PFKFB3: variants seen among roughly 807,000 people sequenced by gnomAD.
PFKFB3 encodes 6-phosphofructo-2-kinase/fructose-2,6-biphosphatase 3.
Under a neutral mutation model 68.0 loss-of-function variants are expected in PFKFB3, and 33 were observed. The ratio of observed to expected loss-of-function variants is 0.49; its 90% CI spans 0.37 to 0.65. The LOEUF (loss-of-function observed/expected upper bound fraction) is 0.65. PFKFB3 is among the 30% of genes least tolerant of loss of function. PFKFB3 has a pLI of 0.00. For missense variants in PFKFB3, 586 were observed against 712.2 expected (o/e 0.82, Z 2.02); for synonymous variants, 315 against 288.2 (o/e 1.09, Z -0.94).
chr10:6,227,629 C>T (rs900986549), intron 14 of PFKFB3, among the ~76,000 whole-genome samples: 50 of 152,282 alleles, frequency 3.3e-4, no homozygotes, highest in Middle Eastern at 3.4e-3. Context: ...GGTGGGGACG[C>T]GTAGACACGG....
In PFKFB3 at chr10:6,154,157, G is replaced by A. The variant is rs149285749; in HGVS notation, c.16+9144G>A. On this transcript the variant is annotated intron_variant, in intron 1 of 14. Coordinates refer to the PFKFB3 transcript ENST00000379789. This position sits in a 1 kb window ranked among gnomAD's most constrained non-coding sequence, Gnocchi z 4.6. ...TAGGAAGGGAGTGGCGGCTCAGCAC[G>A]TCCTCATCTCCCATGGTAGGGCCTT... Among the ~76,000 whole-genome samples the A allele has an allele frequency of 1.1e-3, 168 of 152,254 alleles. No individual in the cohort carries two copies. Among genetic ancestry groups the A allele is most frequent in the Admixed American group, 2.9e-3 (44 of 15,292 alleles).
chr10:6,311,519 C>G, the PFKFB3 span, among the ~76,000 whole-genome samples: 1 of 151,412 alleles, frequency 6.6e-6, no homozygotes, highest in Non-Finnish European at 1.5e-5. Context: ...GAAGCTGGGG[C>G]AGGCGAATCA....
At chr10:6,161,587 T>C (rs4747898) in intron 1 of PFKFB3, among the ~76,000 whole-genome samples, 9 of 150,854 alleles carry the variant, frequency 6.0e-5, no homozygotes, top group East Asian at 1.9e-4. Flanking sequence ...CACACACACA[T>C]ATATATATAC....
At chr10:6,147,042 C>T (rs1168558294) in intron 1 of PFKFB3, among the ~76,000 whole-genome samples, 1 of 152,182 alleles carries the variant, frequency 6.6e-6, no homozygotes, top group Non-Finnish European at 1.5e-5. Flanking sequence ...CAGAGCTTCC[C>T]CAGTTGCAGG....
chr10:6,247,182 T>G (rs999700116), intron 14 of PFKFB3, among the ~76,000 whole-genome samples: 71 of 152,212 alleles, frequency 4.7e-4, no homozygotes, highest in African/African-American at 1.7e-3. Flanking sequence ...TTAGGATACG[T>G]CACGGTGGGG....
At chr10:6,206,605 A>G (rs1043248813) in intron 1 of PFKFB3, among the ~76,000 whole-genome samples, 7 of 147,898 alleles carry the variant, frequency 4.7e-5, no homozygotes, top group Middle Eastern at 3.6e-3. Flanking sequence ...TCCCTCCCGG[A>G]CGGGGTGGCT....
At chr10:6,293,979 G>A in the PFKFB3 span, 3 of 519,608 alleles carry the variant, frequency 5.8e-6, no homozygotes, top group South Asian at 2.9e-5. Flanking sequence ...TGATCCAATG[G>A]CTTCATGAAT....
At chr10:6,212,493 CG>C (rs1287482842) in intron 1 of PFKFB3, among the ~76,000 whole-genome samples, 1 of 152,124 alleles carries the variant, frequency 6.6e-6, no homozygotes, top group Non-Finnish European at 1.5e-5. Context: ...GCTTCGTGAC[CG>C]GCCCTTCCCT....
At chr10:6,279,226 T>C in the PFKFB3 span, among the ~76,000 whole-genome samples, 1 of 152,262 alleles carries the variant, frequency 6.6e-6, no homozygotes, top group Non-Finnish European at 1.5e-5. Context: ...TTTTAAGTCA[T>C]GTAAATGTGA....
intron 1 of PFKFB3, among the ~76,000 whole-genome samples, chr10:6,209,760 C>T (rs981408695): frequency 7.0e-5 from 5 of 71,214 alleles, no homozygotes; most frequent in Non-Finnish European, 1.4e-4. Flanking sequence ...CAATACTTAC[C>T]TTTTCTTTTT....
chr10:6,158,491 C>T (rs749536074), intron 1 of PFKFB3, among the ~76,000 whole-genome samples: 29 of 152,100 alleles, frequency 1.9e-4, no homozygotes, highest in Non-Finnish European at 3.7e-4. Flanking sequence ...CACAAAAGCC[C>T]CTCACACATT....
At chr10:6,169,003 C>A (rs539668359) in intron 1 of PFKFB3, among the ~76,000 whole-genome samples, 46 of 108,154 alleles carry the variant, frequency 4.3e-4, no homozygotes, top group Middle Eastern at 8.7e-3. Flanking sequence ...GTCACCCAGG[C>A]TGGAGTGCAC....
At position 6,233,362 on chromosome 10, in the gene PFKFB3, G is replaced by T. The variant is rs1845860290; in HGVS notation, c.*420G>T. The stretch of plus-strand genomic sequence containing the variant: ...CTGGTGGCAGAATCCTAAAATTAAA[G>T]GAGGCAGGCTCCTAGTTGCTGAAAG... On this transcript the variant is annotated 3_prime_UTR_variant, in exon 15 of 15. Coordinates refer to ENST00000379775, the MANE Select transcript of PFKFB3 (RefSeq NM_004566.4). 6.1e-6 allele frequency: 1 copy of T among 165,058 alleles called. No individual in the cohort carries two copies. The allele number at this position is 165,058 out of a possible 1,614,324, so 10.2% of individuals were successfully genotyped here. A position where few individuals can be genotyped will look rare whatever the true frequency, so the allele number is the denominator to read the frequency against.
At chr10:6,257,741 A>G (rs1238894377), downstream of PFKFB3, among the ~76,000 whole-genome samples, 1 of 152,066 alleles carries the variant, frequency 6.6e-6, no homozygotes, top group Non-Finnish European at 1.5e-5. Flanking sequence ...TTTATTATGG[A>G]AGAGTTCCTA....
intron 1 of PFKFB3, among the ~76,000 whole-genome samples, chr10:6,210,048 G>GGTGC (rs1294381155): frequency 8.6e-4 from 104 of 121,632 alleles, no homozygotes; most frequent in Admixed American, 1.4e-3. Context: ...CACCGTGCCC[G>GGTGC]GCCTAATACT....
intron 1 of PFKFB3, among the ~76,000 whole-genome samples, chr10:6,186,449 T>G (rs1793111375): frequency 6.6e-6 from 1 of 152,198 alleles, no homozygotes; most frequent in Admixed American, 6.5e-5. Flanking sequence ...TGTGGAGTGG[T>G]CGCAGGTATA....
At chr10:6,254,138 T>C (rs1452488420) in intron 14 of PFKFB3, 2 of 390,310 alleles carry the variant, frequency 5.1e-6, no homozygotes, top group Non-Finnish European at 8.9e-6. Flanking sequence ...TTCTGAGGTA[T>C]CCACTCAATC....
the PFKFB3 span, among the ~76,000 whole-genome samples, chr10:6,290,701 A>T: frequency 6.6e-6 from 1 of 151,956 alleles, no homozygotes; most frequent in Non-Finnish European, 1.5e-5. Context: ...ACGGGGTTTC[A>T]CCATGTTGGC....
At chr10:6,147,638 C>G (rs1841433866) in intron 1 of PFKFB3, among the ~76,000 whole-genome samples, 1 of 152,228 alleles carries the variant, frequency 6.6e-6, no homozygotes, top group African/African-American at 2.4e-5. Flanking sequence ...GGACTGTGGC[C>G]TCTGTTGGAG....
Sources: allele counts gnomAD v4.1 joint callset (sites outside exome capture counted in the v4.1 genomes callset), GRCh38; gene constraint gnomAD v4.1.1; non-coding constraint Gnocchi (gnomAD v3.1); transcripts MANE v1.5; gene names NCBI Gene and HGNC (gene_info 2026-07-23, HGNC 2026-07-21).